Variants in NFAM1 observed in about 807,000 individuals in gnomAD.
NFAM1 encodes NFAT activation molecule 1.
In NFAM1, 17 loss-of-function variants were observed where a neutral mutation model predicts 29.0. That is an observed-to-expected ratio of 0.59 (90% confidence interval 0.40 to 0.88). The LOEUF is 0.88. Ranked by LOEUF, NFAM1 falls within the 40% of genes least tolerant of loss-of-function variation. NFAM1 has a pLI of 0.00. For synonymous variants in NFAM1, 175 were observed against 147.2 expected (o/e 1.19, Z -1.36); for missense variants, 324 against 344.6 (o/e 0.94, Z 0.47).
chr22:42,420,017 T>G (rs866320182), intron 1 of NFAM1, among the ~76,000 whole-genome samples: 30 of 136,872 alleles, frequency 2.2e-4, no homozygotes, highest in Middle Eastern at 3.6e-3. Context: ...TTTTTTTTTT[T>G]TTTTTTTTTC....
At chr22:42,389,481 C>G (rs1039719438) in intron 4 of NFAM1, among the ~76,000 whole-genome samples, 4 of 152,186 alleles carry the variant, frequency 2.6e-5, no homozygotes, top group African/African-American at 9.7e-5. Flanking sequence ...ATGCAGGGTG[C>G]AGCCTTGGCA....
intron 3 of NFAM1, among the ~76,000 whole-genome samples, chr22:42,401,349 A>C (rs1195065808): frequency 6.6e-6 from 1 of 152,204 alleles, no homozygotes; most frequent in Non-Finnish European, 1.5e-5. Context: ...TGGGGCCACG[A>C]AAGGCCAAAT....
intron 1 of NFAM1, among the ~76,000 whole-genome samples, chr22:42,413,629 GA>G (rs1399097263): frequency 6.6e-6 from 1 of 150,712 alleles, no homozygotes; most frequent in East Asian, 1.9e-4. Context: ...TACAAAAAAA[GA>G]AAAAAAAATC....
chr22:42,396,090 C>T (rs1025563359), intron 4 of NFAM1, among the ~76,000 whole-genome samples: 1 of 152,136 alleles, frequency 6.6e-6, no homozygotes, highest in African/African-American at 2.4e-5. Flanking sequence ...CAGGCCCAAT[C>T]CCAGTTGGTA....
chr22:42,422,430 ACC>A (rs1329167313), intron 1 of NFAM1, among the ~76,000 whole-genome samples: 1 of 151,390 alleles, frequency 6.6e-6, no homozygotes, highest in Admixed American at 6.6e-5. Context: ...ACATGGTGAA[ACC>A]CCATCTCTAC....
At chr22:42,411,877 C>A (rs1930108105) in intron 1 of NFAM1, 141 bp from the exon 2 acceptor site, 2 of 628,576 alleles carry the variant, frequency 3.2e-6, no homozygotes, top group Non-Finnish European at 5.7e-6. Flanking sequence ...GCAGGCGGAT[C>A]ACTGGAGGTC....
At chr22:42,385,680 C>A (rs1408600218) in intron 5 of NFAM1, among the ~76,000 whole-genome samples, 4 of 151,922 alleles carry the variant, frequency 2.6e-5, no homozygotes, top group African/African-American at 4.8e-5. Context: ...GGGTCAGCGA[C>A]CTATTCCTGC....
At chr22:42,398,476 A>C (rs1317165516) in intron 3 of NFAM1, among the ~76,000 whole-genome samples, 2 of 151,224 alleles carry the variant, frequency 1.3e-5, no homozygotes, top group Admixed American at 1.3e-4. Context: ...GCAATGGTGC[A>C]ATCTCAGCTT....
At chr22:42,412,987 C>A (rs1930145018) in intron 1 of NFAM1, among the ~76,000 whole-genome samples, 1 of 152,174 alleles carries the variant, frequency 6.6e-6, no homozygotes. Flanking sequence ...GGGGCTCTAA[C>A]CCCTGCTGCA....
At chr22:42,394,692 G>A (rs1029533768) in intron 4 of NFAM1, among the ~76,000 whole-genome samples, 1 of 152,108 alleles carries the variant, frequency 6.6e-6, no homozygotes, top group African/African-American at 2.4e-5. Context: ...CCCAAAGAAG[G>A]AAGACTATAT....
rs535366023 is a variant in NFAM1, at chr22:42,409,634, C to A, written c.452-87G>T. ...CCTGATGTTCTCCCTCACTCAGGAC[C>A]CTGTTTTCAATGCTACCCCGCCAAC... is the stretch of plus-strand genomic sequence containing the variant. On this transcript the variant is annotated intron_variant, in intron 2 of 5. Coordinates refer to ENST00000329021, the MANE Select transcript of NFAM1 (RefSeq NM_145912.8). This position sits in a 1 kb window ranked among gnomAD's most constrained non-coding sequence, Gnocchi z 4.9. 1.1e-4 allele frequency: 65 copies of A among 597,064 alleles called. No individual in the cohort carries two copies. The highest frequency in any genetic ancestry group is 8.4e-4 in the African/African-American group (44 of 52,288). The allele number at this position is 597,064 out of a possible 1,614,324, so 37.0% of individuals were successfully genotyped here.
At chr22:42,403,112 T>C (rs148106390) in intron 3 of NFAM1, among the ~76,000 whole-genome samples, 4,232 of 151,676 alleles carry the variant, frequency 0.028, 204 homozygotes, top group African/African-American at 0.099. Context: ...GTTGGGATTA[T>C]AGTCGTGAGC....
At position 42,409,430 on chromosome 22, in the gene NFAM1, C is replaced by T. The variant is rs199756886; in HGVS notation, c.564+5G>A. Reference sequence around the variant, plus strand: ...GCTGCATGGCTGTGAGCACTGATCCCGTACCTTGTTCCAGAGCAGCAGGGC... The same window carrying T: ...GCTGCATGGCTGTGAGCACTGATCCTGTACCTTGTTCCAGAGCAGCAGGGC... On this transcript the variant is annotated splice_donor_5th_base_variant and intron_variant, in intron 3 of 5. Coordinates refer to ENST00000329021, the MANE Select transcript of NFAM1 (RefSeq NM_145912.8). This position sits in a 1 kb window ranked among gnomAD's most constrained non-coding sequence, Gnocchi z 4.9. 42 of 1,440,224 alleles carry T rather than the reference C, an allele frequency of 2.9e-5. No homozygotes were observed. The East Asian group carries it at 6.2e-4, about 21-fold the overall frequency. 89.2% of individuals were successfully genotyped at this position (1,440,224 alleles called of 1,614,324 possible). A position where few individuals can be genotyped will look rare whatever the true frequency, so the allele number is the denominator to read the frequency against.
At position 42,397,889 on chromosome 22, in the gene NFAM1, G is replaced by T; in HGVS notation, c.632C>A (p.Pro211His). The change falls in exon 4 of 6, where the codon CCC becomes CAC. Residue 211 changes from proline to histidine, a missense_variant. Coordinates refer to ENST00000329021, the MANE Select transcript of NFAM1 (RefSeq NM_145912.8). ...KCPDPRSASS[P>H]KQHPSESVYT... ...GACAGATTCTGAAGGATGCTGCTTG[G>T]GGCTGCTGGCAGATCTTGGATCTGG... The T allele has an allele frequency of 6.2e-7, 1 of 1,613,164 alleles. No individual in the cohort carries two copies. Among genetic ancestry groups the T allele is most frequent in the Non-Finnish European group, 8.5e-7 (1 of 1,179,358 alleles).
intron 1 of NFAM1, among the ~76,000 whole-genome samples, chr22:42,429,778 G>T (rs1930735868): frequency 6.6e-6 from 1 of 152,234 alleles, no homozygotes; most frequent in African/African-American, 2.4e-5. Context: ...AGCTGGGTTG[G>T]TACTGACAGG....
In NFAM1 at chr22:42,397,843, G is replaced by C. The variant is rs1383834754; in HGVS notation, c.663+15C>G. On this transcript the variant is annotated intron_variant, in intron 4 of 5. Coordinates refer to ENST00000329021, the MANE Select transcript of NFAM1 (RefSeq NM_145912.8). ...CCTGAAAGAGGTGGAGGGAGCCGGG[G>C]GCCCCGGGACTCACTGTGTAGACAG... 12 of 1,551,878 alleles carry C rather than the reference G, an allele frequency of 7.7e-6. No individual in the cohort carries two copies. The highest frequency in any genetic ancestry group is 9.8e-6 in the Non-Finnish European group (11 of 1,123,478).
At chr22:42,396,595 G>A (rs988132461) in intron 4 of NFAM1, among the ~76,000 whole-genome samples, 11 of 152,068 alleles carry the variant, frequency 7.2e-5, no homozygotes, top group African/African-American at 2.7e-4. Context: ...AGAATCCCTG[G>A]TAGGGAAAAT....
At chr22:42,432,187 C>G (rs1390195401) in intron 1 of NFAM1, 50 bp downstream of exon 1, 1 of 1,502,466 alleles carries the variant, frequency 6.7e-7, no homozygotes, top group Non-Finnish European at 9.1e-7. Flanking sequence ...GAAAGCCGCT[C>G]TGATGTTCTG....
At chr22:42,400,650 A>T (rs1373844047) in intron 3 of NFAM1, among the ~76,000 whole-genome samples, 1 of 152,184 alleles carries the variant, frequency 6.6e-6, no homozygotes, top group African/African-American at 2.4e-5. Flanking sequence ...AGGAGGGGGA[A>T]GCTGAGGCTT....
Sources: allele counts gnomAD v4.1 joint callset (sites outside exome capture counted in the v4.1 genomes callset), GRCh38; gene constraint gnomAD v4.1.1; non-coding constraint Gnocchi (gnomAD v3.1); transcripts MANE v1.5; gene names NCBI Gene and HGNC (gene_info 2026-07-23, HGNC 2026-07-21).